The following VIPR1 variants were observed in gnomAD, a reference collection of about 807,000 sequenced individuals.
VIPR1 encodes vasoactive intestinal peptide receptor 1.
In VIPR1, 59 loss-of-function variants were observed where a neutral mutation model predicts 58.8. The observed-to-expected ratio is 1.00, with a 90% confidence interval of 0.81 to 1.25. VIPR1 has a LOEUF of 1.25. Among genes scored for constraint, VIPR1 ranks in the 50% most tolerant of loss-of-function variants. The probability of loss-of-function intolerance (pLI) is 0.00; values close to 1 mark genes in which losing one functional copy is unlikely to be tolerated. For synonymous variants in VIPR1, 251 were observed against 242.1 expected (o/e 1.04, Z -0.34); for missense variants, 626 against 602.7 (o/e 1.04, Z -0.40).
chr3:42,497,304 G>A (rs1206276173), intron 1 of VIPR1, among the ~76,000 whole-genome samples: 3 of 152,056 alleles, frequency 2.0e-5, no homozygotes, highest in Admixed American at 1.3e-4. Context: ...TTCCTACCTT[G>A]AACCTTGTCC....
chr3:42,525,873 T>G lies in VIPR1; in HGVS notation c.293-14T>G, dbSNP rs751487490. On this transcript the variant is annotated splice_polypyrimidine_tract_variant and intron_variant, in intron 3 of 12. Transcript: ENST00000325123. ...CGGCCTCAGCCTTTGTCCTTGCCCC[T>G]GCCCTCCACCCAGGCCGCAATGTAA... 3.1e-6 allele frequency: 5 copies of G among 1,597,694 alleles called. No individual in the cohort carries two copies. The highest frequency in any genetic ancestry group is 4.3e-6 in the Non-Finnish European group (5 of 1,172,528).
intron 6 of VIPR1, 52 bp downstream of exon 6, chr3:42,528,175 C>T (rs1470444998): frequency 3.8e-6 from 6 of 1,591,402 alleles, no homozygotes; most frequent in African/African-American, 1.3e-5. Context: ...TTATCTTTAA[C>T]CACTGTAATC....
In VIPR1 at chr3:42,505,511, A is replaced by AGGC. The variant is rs1700080762; in HGVS notation, c.78+2699_78+2701dup. On this transcript the variant is annotated intron_variant, in intron 1 of 12. Coordinates refer to ENST00000325123, the MANE Select transcript of VIPR1 (RefSeq NM_004624.4). ...TGCCCAGGCCCTCTTGGCCCCCAGC[A>AGGC]GGCCACCCTGTGAGCTTTGGGAAAC... Among the ~76,000 whole-genome samples, 3 of 152,220 alleles carry AGGC rather than the reference A, an allele frequency of 2.0e-5. 1 individual carries two copies. The South Asian group carries it at 6.2e-4, about 31-fold the overall frequency.
Position 42,513,741 on chromosome 3 carries a change from G to A in VIPR1, c.79-8G>A. ...AGGCTGATGGGCCCTCCCTGTCTTTGTTCTCAGGGCGGCCAGGCGGCCAGG... is the reference window on the plus strand; with the variant it reads ...AGGCTGATGGGCCCTCCCTGTCTTTATTCTCAGGGCGGCCAGGCGGCCAGG... On this transcript the variant is annotated splice_polypyrimidine_tract_variant and splice_region_variant and intron_variant, in intron 1 of 12. Transcript: ENST00000325123. The A allele has an allele frequency of 6.4e-7, 1 of 1,551,240 alleles. No homozygotes were observed. The highest frequency in any genetic ancestry group is 8.7e-7 in the Non-Finnish European group (1 of 1,146,800).
intron 1 of VIPR1, among the ~76,000 whole-genome samples, chr3:42,505,885 C>T (rs1022660374): frequency 1.3e-5 from 2 of 152,182 alleles, no homozygotes; most frequent in Admixed American, 6.5e-5. Flanking sequence ...AGGCTGGAGC[C>T]AACTCTGCCT....
Position 42,528,057 on chromosome 3 carries a change from C to A in VIPR1, c.570C>A (p.Ala190=), listed in dbSNP as rs527920019. 6.2e-7 allele frequency: 1 copy of A among 1,614,100 alleles called. No homozygotes were observed. Among genetic ancestry groups the A allele is most frequent in the South Asian group, 1.1e-5 (1 of 91,082 alleles). ...TCATATCCTTCATCCTGAGGGCTGCCGCTGTCTTCATCAAAGACTTGGCCC... is the reference window on the plus strand; with the variant it reads ...TCATATCCTTCATCCTGAGGGCTGCAGCTGTCTTCATCAAAGACTTGGCCC... ...HLFISFILRA[A]AVFIKDLALF... is the part of the protein sequence containing the mutation. Residue 190 remains alanine (A), a synonymous_variant, in exon 6 of 13, where the codon GCC becomes GCA. Transcript: ENST00000325123.
chr3:42,493,190 G>A (rs973931019), intron 1 of VIPR1, among the ~76,000 whole-genome samples: 1 of 152,216 alleles, frequency 6.6e-6, no homozygotes, highest in Non-Finnish European at 1.5e-5. Context: ...GTGGCTTCTG[G>A]CTCCAGTGAG....
rs200621312 is a variant in VIPR1, at chr3:42,530,897, G to T, written c.755G>T (p.Arg252Leu). The T allele has an allele frequency of 6.2e-7, 1 of 1,614,024 alleles. No individual in the cohort carries two copies. The highest frequency in any genetic ancestry group is 2.2e-5 in the East Asian group (1 of 44,878). The change falls in exon 7 of 13, where the codon CGG becomes CTG. Residue 252 changes from arginine to leucine, a missense_variant. Coordinates refer to ENST00000325123, the MANE Select transcript of VIPR1 (RefSeq NM_004624.4). ...CTTGCCGTCTCCTTCTTCTCTGAGC[G>T]GAAGTACTTCTGGGGGTACATACTC... is the stretch of plus-strand genomic sequence containing the variant. The part of the protein sequence containing the change: ...TLLAVSFFSE[R>L]KYFWGYILIG...
intron 3 of VIPR1, among the ~76,000 whole-genome samples, chr3:42,524,972 T>A (rs1701147890): frequency 6.6e-6 from 1 of 152,176 alleles, no homozygotes; most frequent in Admixed American, 6.5e-5. Flanking sequence ...ATTTGAAAAG[T>A]ACTCAAAACC....
intron 3 of VIPR1, among the ~76,000 whole-genome samples, chr3:42,523,377 C>T (rs762530622): frequency 6.8e-4 from 103 of 152,242 alleles, no homozygotes; most frequent in Non-Finnish European, 1.1e-3. Flanking sequence ...CTATGGCAGC[C>T]AGGGCTCCAG....
intron 1 of VIPR1, chr3:42,506,578 AGT>A (rs1177026069): frequency 6.6e-6 from 1 of 151,384 alleles, no homozygotes; most frequent in Non-Finnish European, 1.5e-5. Flanking sequence ...CCCAGGCTGG[AGT>A]GTGGTGGTGT....
intron 1 of VIPR1, among the ~76,000 whole-genome samples, chr3:42,496,329 T>G (rs1699760879): frequency 6.6e-6 from 1 of 152,248 alleles, no homozygotes; most frequent in Non-Finnish European, 1.5e-5. Context: ...TGGACATGAT[T>G]TACACTTTTA....
chr3:42,504,763 TG>T (rs72180769), intron 1 of VIPR1, among the ~76,000 whole-genome samples: 4 of 25,810 alleles, frequency 1.5e-4, no homozygotes, highest in South Asian at 2.1e-3. Context: ...GACGGCGGGG[TG>T]GGGGGGCGGG....
chr3:42,492,196 T>G (rs1466831027), intron 1 of VIPR1: 1 of 151,664 alleles, frequency 6.6e-6, no homozygotes, highest in Admixed American at 6.6e-5. Flanking sequence ...CTTCCTTCCT[T>G]CCTCATCCCT....
upstream of VIPR1, among the ~76,000 whole-genome samples, chr3:42,498,309 T>G (rs532266620): frequency 7.9e-5 from 12 of 152,336 alleles, no homozygotes; most frequent in South Asian, 2.1e-4. Context: ...CAAAGCACAG[T>G]AGGGTTACTA....
rs756618093 is a variant in VIPR1, at chr3:42,527,482, C to G, written c.489C>G (p.Ile163Met). The G allele has an allele frequency of 2.5e-6, 4 of 1,613,824 alleles. No homozygotes were observed. The highest frequency in any genetic ancestry group is 2.5e-6 in the Non-Finnish European group (3 of 1,179,962). ...SLATLLVATA[I>M]LSLFRKLHCT... ...CCACCCTTCTGGTCGCCACAGCTAT[C>G]CTGAGCCTGTTCAGGTGAGGCCCAG... Residue 163 changes from isoleucine (I) to methionine (M), a missense_variant, in exon 5 of 13, where the codon ATC becomes ATG. Transcript: ENST00000325123.
In VIPR1 at chr3:42,528,012, C is replaced by G. The variant is rs1701326067; in HGVS notation, c.525C>G (p.Asn175Lys). ...ACAGGAAGCTCCACTGCACGCGGAA[C>G]TACATCCACATGCACCTCTTCATAT... Reference protein sequence around the residue: ...SLFRKLHCTRNYIHMHLFISF... With the variant: ...SLFRKLHCTRKYIHMHLFISF... The change falls in exon 6 of 13, where the codon AAC (asparagine) becomes AAG (lysine). Residue 175 changes from asparagine to lysine, a missense_variant. Coordinates refer to ENST00000325123, the MANE Select transcript of VIPR1 (RefSeq NM_004624.4). 6.2e-7 allele frequency: 1 copy of G among 1,613,958 alleles called. No homozygotes were observed. The highest frequency in any genetic ancestry group is 1.3e-5 in the African/African-American group (1 of 74,922).
chr3:42,532,637 T>C (rs1701632677), intron 10 of VIPR1: 1 of 493,328 alleles, frequency 2.0e-6, no homozygotes, highest in East Asian at 3.5e-5. Flanking sequence ...CTGTGTCTTG[T>C]TCATACCATG....
At position 42,513,786 on chromosome 3, in the gene VIPR1, A is replaced by G. The variant is rs1366998692; in HGVS notation, c.116A>G (p.Tyr39Cys). The G allele has an allele frequency of 6.4e-7, 1 of 1,551,550 alleles. No homozygotes were observed. Among genetic ancestry groups the G allele is most frequent in the Non-Finnish European group, 8.7e-7 (1 of 1,146,938 alleles). ...QAARLQEECD[Y>C]VQMIEVQHKQ... ...GCCAGGCTGCAGGAGGAGTGTGACT[A>G]TGTGCAGATGATCGAGGTGCAGCAC... is the stretch of plus-strand genomic sequence containing the variant. Residue 39 changes from tyrosine to cysteine, a missense_variant, in exon 2 of 13, where the codon TAT (tyrosine) becomes TGT (cysteine). Tyr to Cys is a radical substitution (Grantham distance 194, BLOSUM62 -2). Transcript: ENST00000325123.
Sources: gnomAD v4.1 joint callset for allele counts (sites outside exome capture counted in the v4.1 genomes callset) on GRCh38, gnomAD v4.1.1 for gene constraint, MANE v1.5 for transcripts, NCBI Gene and HGNC (gene_info 2026-07-23, HGNC 2026-07-21) for gene names.